EVI5: variants seen among roughly 807,000 people sequenced by gnomAD.
EVI5 encodes ecotropic viral integration site 5.
Under a neutral mutation model 112.0 loss-of-function variants are expected in EVI5, and 73 were observed. That is an observed-to-expected ratio of 0.65 (90% CI 0.54 to 0.79). The LOEUF (loss-of-function observed/expected upper bound fraction) is 0.79. EVI5 is among the 30% of genes least tolerant of loss of function. The pLI is 0.00. For missense variants in EVI5, 900 were observed against 968.8 expected, an observed-to-expected ratio of 0.93 and a Z score of 0.94; for synonymous variants, 305 against 319.9, an observed-to-expected ratio of 0.95 and a Z score of 0.50.
At position 92,750,952 on chromosome 1, in the gene EVI5, C is replaced by T. The variant is rs1680094820; in HGVS notation, c.-81-14325G>A. Among the ~76,000 whole-genome samples the T allele has an allele frequency of 1.3e-5, 2 of 152,086 alleles. 1 individual carries two copies. Among genetic ancestry groups the T allele is most frequent in the Admixed American group, 1.3e-4 (2 of 15,268 alleles). ...GATCATGAGGTCAGGAGATCGAGAC[C>T]ATCCTGGCTAACACGGTAAAACCCC... On this transcript the variant is annotated intron_variant, in intron 1 of 19. Coordinates refer to ENST00000684568, the MANE Select transcript of EVI5 (RefSeq NM_001350197.2).
chr1:92,752,980 T>C (rs990407273), intron 1 of EVI5, among the ~76,000 whole-genome samples: 4 of 151,990 alleles, frequency 2.6e-5, no homozygotes, highest in African/African-American at 9.7e-5. Flanking sequence ...AAATAGTGAA[T>C]AAATAAATGC....
chr1:92,697,847 A>G lies in EVI5; in HGVS notation c.765+13T>C, dbSNP rs201944569. 8.7e-6 allele frequency: 14 copies of G among 1,605,702 alleles called. No homozygotes were observed. The Admixed American group carries it at 1.0e-4, about 12-fold the overall frequency. ...AAAGGCAATATGCCTTTTTATCAAC[A>G]CTGCACTTTTACCTGTATCATACAT... On this transcript the variant is annotated intron_variant, in intron 6 of 19. Transcript: ENST00000684568.
intron 19 of EVI5, among the ~76,000 whole-genome samples, chr1:92,538,020 G>C (rs1399087324): frequency 6.6e-6 from 1 of 152,102 alleles, no homozygotes; most frequent in Non-Finnish European, 1.5e-5. Flanking sequence ...GGAAAGGAAA[G>C]TTTGGAATAG....
intron 1 of EVI5, among the ~76,000 whole-genome samples, chr1:92,748,311 C>G (rs1679627586): frequency 6.6e-6 from 1 of 152,154 alleles, no homozygotes. Context: ...ACTAACAGTC[C>G]AGCTGAGGTT....
At chr1:92,726,860 A>G (rs1675646518) in intron 2 of EVI5, among the ~76,000 whole-genome samples, 1 of 152,168 alleles carries the variant, frequency 6.6e-6, no homozygotes, top group African/African-American at 2.4e-5. Context: ...TCAAAGTCAG[A>G]CTGATAAGTT....
At chr1:92,664,635 C>T (rs1356471831) in intron 11 of EVI5, among the ~76,000 whole-genome samples, 1 of 152,216 alleles carries the variant, frequency 6.6e-6, no homozygotes, top group African/African-American at 2.4e-5. Context: ...GCAACCCTAA[C>T]ATGATGAGAG....
intron 1 of EVI5, among the ~76,000 whole-genome samples, chr1:92,739,499 A>G (rs1678013309): frequency 6.6e-6 from 1 of 152,104 alleles, no homozygotes; most frequent in South Asian, 2.1e-4. Flanking sequence ...GATGAAAATA[A>G]TCTGGGATTG....
At chr1:92,604,266 G>C (rs188688485) in intron 18 of EVI5, among the ~76,000 whole-genome samples, 5 of 151,978 alleles carry the variant, frequency 3.3e-5, no homozygotes, top group South Asian at 2.1e-4. Context: ...AAGCTGATGA[G>C]GACTGCTTGA....
At chr1:92,549,066 C>T (rs1174754470) in intron 19 of EVI5, among the ~76,000 whole-genome samples, 1 of 152,148 alleles carries the variant, frequency 6.6e-6, no homozygotes, top group Non-Finnish European at 1.5e-5. Flanking sequence ...AAGAACAAAG[C>T]TGGAGGCATC....
chr1:92,594,454 A>G (rs988749088), intron 18 of EVI5, among the ~76,000 whole-genome samples: 4 of 151,416 alleles, frequency 2.6e-5, no homozygotes, highest in African/African-American at 9.7e-5. Context: ...ACCTAAAACC[A>G]TAAAAACCCT....
chr1:92,660,142 TG>T (rs1663726439), intron 13 of EVI5, among the ~76,000 whole-genome samples: 1 of 151,966 alleles, frequency 6.6e-6, no homozygotes, highest in Non-Finnish European at 1.5e-5. Flanking sequence ...ACTATTCAGC[TG>T]ATGGTTACAC....
chr1:92,764,786 G>A (rs1325017442), intron 1 of EVI5, among the ~76,000 whole-genome samples: 1 of 152,104 alleles, frequency 6.6e-6, no homozygotes, highest in Non-Finnish European at 1.5e-5. Context: ...TATTTCTTAT[G>A]AAGAAATAAT....
intron 9 of EVI5, among the ~76,000 whole-genome samples, chr1:92,691,096 G>A (rs1250780530): frequency 4.6e-5 from 7 of 152,008 alleles, no homozygotes; most frequent in Non-Finnish European, 2.9e-5. Flanking sequence ...TGGAATAGGT[G>A]GTGCTGATCT....
chr1:92,635,741 C>A (rs1658677550), intron 14 of EVI5, among the ~76,000 whole-genome samples: 1 of 152,260 alleles, frequency 6.6e-6, no homozygotes, highest in South Asian at 2.1e-4. Context: ...TTCTGCGTCG[C>A]TCACACTGGG....
At chr1:92,629,017 C>G (rs189837149) in intron 14 of EVI5, among the ~76,000 whole-genome samples, 3 of 152,158 alleles carry the variant, frequency 2.0e-5, no homozygotes, top group Admixed American at 6.5e-5. Context: ...CAGCCACTTA[C>G]GAAATCCATT....
At chr1:92,730,222 C>T (rs1676224734) in intron 2 of EVI5, among the ~76,000 whole-genome samples, 1 of 151,890 alleles carries the variant, frequency 6.6e-6, no homozygotes, top group African/African-American at 2.4e-5. Flanking sequence ...AAAAGTTAGC[C>T]AGGCATGATG....
rs1652508219 is a variant in EVI5, at chr1:92,614,158, T to C, written c.1828-6431A>G. Among the ~76,000 whole-genome samples the C allele has an allele frequency of 3.9e-5, 6 of 152,190 alleles. No homozygotes were observed. The South Asian group carries it at 1.0e-3, about 26-fold the overall frequency. On this transcript the variant is annotated intron_variant, in intron 16 of 19. Transcript: ENST00000684568. ...AACAACAAACCTCAAACTCAACCCA[T>C]CTCTGGACTATATTAACTTGAATCT...
intron 1 of EVI5, among the ~76,000 whole-genome samples, chr1:92,778,623 G>A (rs990625952): frequency 6.6e-6 from 1 of 152,146 alleles, no homozygotes; most frequent in Non-Finnish European, 1.5e-5. Context: ...CAAAAGGAAA[G>A]ATAAATACAG....
intron 19 of EVI5, among the ~76,000 whole-genome samples, chr1:92,552,343 TAAC>T (rs1667072429): frequency 6.6e-6 from 1 of 152,226 alleles, no homozygotes; most frequent in African/African-American, 2.4e-5. Context: ...AGAGAGGATA[TAAC>T]AACCATTAAT....
Sources: gnomAD v4.1 joint callset for allele counts (sites outside exome capture counted in the v4.1 genomes callset) on GRCh38, gnomAD v4.1.1 for gene constraint, MANE v1.5 for transcripts, NCBI Gene and HGNC (gene_info 2026-07-23, HGNC 2026-07-21) for gene names.